The following MPP4 variants were observed in gnomAD, a reference collection of about 807,000 sequenced individuals.
MPP4 encodes MAGUK p55 scaffold protein 4, also known as MAGUK p55 subfamily member 4.
Under a neutral mutation model 98.3 loss-of-function variants are expected in MPP4, and 91 were observed. The observed-to-expected ratio is 0.93, with a 90% CI of 0.78 to 1.10. The LOEUF (loss-of-function observed/expected upper bound fraction) is 1.10, where lower values mean the gene tolerates loss of function less well. MPP4 is among the 50% of genes least tolerant of loss of function. MPP4 has a pLI of 0.00. For synonymous variants in MPP4, 261 were observed against 271.8 expected (o/e 0.96, Z 0.39); for missense variants, 744 against 792.9 (o/e 0.94, Z 0.74).
intron 18 of MPP4, chr2:201,650,909 G>T (rs957083519): frequency 1.6e-5 from 16 of 985,366 alleles, no homozygotes; most frequent in Non-Finnish European, 1.9e-5. Context: ...GTGCCAGGTT[G>T]TATAGAATAT....
Position 201,666,328 on chromosome 2 carries a change from T to C in MPP4, c.1051+6A>G. ...TAACAGCAAAGCAATCAAGAGAAAA[T>C]GTTACCTGCTTCCACACATTTCTCA... On this transcript the variant is annotated splice_donor_region_variant and intron_variant, in intron 13 of 21. Transcript: ENST00000409474. 2 of 1,554,738 alleles carry C rather than the reference T, an allele frequency of 1.3e-6. No individual in the cohort carries two copies. Among genetic ancestry groups the C allele is most frequent in the Non-Finnish European group, 1.7e-6 (2 of 1,149,094 alleles).
At chr2:201,694,608 CTTTT>C (rs777556505) in intron 1 of MPP4, among the ~76,000 whole-genome samples, 171 of 78,886 alleles carry the variant, frequency 2.2e-3, no homozygotes, top group Non-Finnish European at 2.6e-3. Flanking sequence ...TTCTTTTTCC[CTTTT>C]TTTTTTTTTT....
At chr2:201,659,323 C>G (rs1339077187) in intron 15 of MPP4, among the ~76,000 whole-genome samples, 1 of 152,118 alleles carries the variant, frequency 6.6e-6, no homozygotes, top group African/African-American at 2.4e-5. Flanking sequence ...TGCTCTGTGG[C>G]TGCCAAATGT....
At position 201,687,256 on chromosome 2, in the gene MPP4, A is replaced by G. The variant is rs888769393; in HGVS notation, c.360+35T>C. 3.3e-6 allele frequency: 5 copies of G among 1,520,980 alleles called. No individual in the cohort carries two copies. The Admixed American group carries it at 9.8e-5, about 30-fold the overall frequency. 94.2% of individuals were successfully genotyped at this position (1,520,980 alleles called of 1,614,324 possible). A position where few individuals can be genotyped will look rare whatever the true frequency, so the allele number is the denominator to read the frequency against. On this transcript the variant is annotated intron_variant, in intron 5 of 21. Transcript: ENST00000409474. Reference sequence around the variant, plus strand: ...CTTCCCAACTTTGTCTATGTGCCAGATGGGGACATCTTTTCTATTTTAGCA... The same window carrying G: ...CTTCCCAACTTTGTCTATGTGCCAGGTGGGGACATCTTTTCTATTTTAGCA...
intron 12 of MPP4, among the ~76,000 whole-genome samples, chr2:201,669,015 A>C (rs1398544244): frequency 1.3e-5 from 2 of 151,986 alleles, no homozygotes; most frequent in African/African-American, 4.8e-5. Flanking sequence ...TTCCAAATTC[A>C]AGGATGAACT....
chr2:201,668,503 C>T (rs979144773), intron 12 of MPP4, among the ~76,000 whole-genome samples: 1 of 151,328 alleles, frequency 6.6e-6, no homozygotes. Flanking sequence ...TCTTCTTTCT[C>T]TCTCCCTCTC....
intron 11 of MPP4, among the ~76,000 whole-genome samples, chr2:201,672,287 G>A (rs1439279925): frequency 6.6e-6 from 1 of 152,184 alleles, no homozygotes; most frequent in Non-Finnish European, 1.5e-5. Context: ...GCCCACAGGA[G>A]AAAGCAAGAA....
chr2:201,684,076 T>G (rs1333679833), intron 7 of MPP4, among the ~76,000 whole-genome samples: 1 of 151,564 alleles, frequency 6.6e-6, no homozygotes, highest in East Asian at 1.9e-4. Context: ...AAAAATTGGC[T>G]GGGCATGGTA....
intron 1 of MPP4, among the ~76,000 whole-genome samples, chr2:201,695,302 A>G (rs1256418247): frequency 6.6e-6 from 1 of 152,214 alleles, no homozygotes; most frequent in East Asian, 1.9e-4. Flanking sequence ...CAAAGAAAAT[A>G]TGCCTACTGC....
intron 10 of MPP4, among the ~76,000 whole-genome samples, chr2:201,677,913 C>T (rs370101356): frequency 1.3e-4 from 20 of 152,260 alleles, no homozygotes; most frequent in Non-Finnish European, 2.4e-4. Flanking sequence ...AGGCCTCTTG[C>T]CCAGATATGG....
chr2:201,682,710 A>G, intron 8 of MPP4, 121 bp downstream of exon 8: 1 of 761,302 alleles, frequency 1.3e-6, no homozygotes. Flanking sequence ...CTGGAGGGAG[A>G]AAGCTGCCAA....
Position 201,646,343 on chromosome 2 carries a change from A to G in MPP4, c.1720-939T>C, listed in dbSNP as rs1043311186. ...TATAAGCCAGTTATATTATGTTTCT[A>G]CTATTGTGAAATGTTCATTTAATGA... On this transcript the variant is annotated intron_variant, in intron 21 of 21. Transcript: ENST00000409474. Among the ~76,000 whole-genome samples the G allele has an allele frequency of 3.3e-5, 5 of 151,828 alleles. No individual in the cohort carries two copies. The South Asian group carries it at 1.0e-3, about 31-fold the overall frequency.
chr2:201,684,947 CA>C (rs1238485810), intron 7 of MPP4, 116 bp downstream of exon 7: 57,974 of 484,908 alleles, frequency 0.12, 4 homozygotes, highest in South Asian at 0.21. Context: ...GACTCCATCT[CA>C]AAAAAAAAAA....
At chr2:201,681,155 A>G in intron 9 of MPP4, 121 bp from the exon 10 acceptor site, 4 of 998,928 alleles carry the variant, frequency 4.0e-6, no homozygotes, top group South Asian at 1.7e-5. Context: ...TGCTACTCCT[A>G]TCTTTCCTCT....
At chr2:201,666,566 AC>A in intron 12 of MPP4, 194 bp from the exon 13 acceptor site, 1 of 465,240 alleles carries the variant, frequency 2.1e-6, no homozygotes, top group Non-Finnish European at 3.8e-6. Flanking sequence ...ACCAAAAAAA[AC>A]AAAAATTAGT....
In MPP4 at chr2:201,681,047, G is replaced by A; in HGVS notation, c.733-13C>T. On this transcript the variant is annotated splice_polypyrimidine_tract_variant and intron_variant, in intron 9 of 21. Coordinates refer to ENST00000409474, the MANE Select transcript of MPP4 (RefSeq NM_033066.3). ...CACGGACGTACACCTGATGGCAGGT[G>A]CATAATGACGCTATCAGAAGGTGCC... The A allele has an allele frequency of 6.2e-7, 1 of 1,601,902 alleles. No individual in the cohort carries two copies.
At chr2:201,658,356 C>T (rs914184270) in intron 16 of MPP4, 121 bp downstream of exon 16, 1 of 752,218 alleles carries the variant, frequency 1.3e-6, no homozygotes, top group Non-Finnish European at 2.2e-6. Context: ...GAAAAGGAAA[C>T]TAGAATGAGG....
At chr2:201,689,076 C>T (rs1048303187) in intron 4 of MPP4, among the ~76,000 whole-genome samples, 1 of 151,988 alleles carries the variant, frequency 6.6e-6, no homozygotes, top group African/African-American at 2.4e-5. Context: ...ACCTGTAATC[C>T]CAGCACTTTG....
intron 21 of MPP4, 65 bp downstream of exon 21, chr2:201,647,626 C>T (rs1574594379): frequency 6.4e-7 from 1 of 1,555,768 alleles, no homozygotes; most frequent in East Asian, 2.3e-5. Flanking sequence ...TGGCCCAGCC[C>T]AACCCAGATC....
Sources: allele counts gnomAD v4.1 joint callset (sites outside exome capture counted in the v4.1 genomes callset), GRCh38; gene constraint gnomAD v4.1.1; transcripts MANE v1.5; gene names NCBI Gene and HGNC (gene_info 2026-07-23, HGNC 2026-07-21).